Variants in NTM observed in about 807,000 individuals in gnomAD.
NTM encodes neurotrimin.
NTM carries 13 observed loss-of-function variants against 42.1 expected under a neutral mutation model. The ratio of observed to expected loss-of-function variants is 0.31; its 90% confidence interval spans 0.20 to 0.49. The LOEUF is 0.49. Among genes scored for constraint, NTM ranks in the 20% least tolerant of loss-of-function variants. NTM has a pLI of 0.99. For missense variants in NTM, 373 were observed against 452.8 expected, an observed-to-expected ratio of 0.82 and a Z score of 1.60; for synonymous variants, 187 against 179.2, an observed-to-expected ratio of 1.04 and a Z score of -0.35.
At chr11:131,871,133 G>A in intron 1 of NTM, among the ~76,000 whole-genome samples, 1 of 152,216 alleles carries the variant, frequency 6.6e-6, no homozygotes, top group Non-Finnish European at 1.5e-5. Flanking sequence ...GAAAGAGTTT[G>A]TGTGATCATG....
At chr11:132,064,961 G>T (rs1366231100) in intron 2 of NTM, among the ~76,000 whole-genome samples, 1 of 152,106 alleles carries the variant, frequency 6.6e-6, no homozygotes, top group East Asian at 1.9e-4. Flanking sequence ...TGGATTTATT[G>T]TCACACTGAC....
rs1306761717 is a variant in NTM at position 132,335,736 on chromosome 11, T to G, written c.*590T>G. 1.3e-5 allele frequency: 2 copies of G among 152,536 alleles called. No individual in the cohort carries two copies. Among genetic ancestry groups the G allele is most frequent in the African/African-American group, 2.4e-5 (1 of 41,390 alleles). The allele number at this position is 152,536 out of a possible 1,614,324, so 9.4% of individuals were successfully genotyped here. A position where few individuals can be genotyped will look rare whatever the true frequency, so the allele number is the denominator to read the frequency against. ...ACAAAAGATACCGTTAAACTTTTTT[T>G]TTTTTTTATCATTTTACTACATGAA... On this transcript the variant is annotated 3_prime_UTR_variant, in exon 9 of 9. Transcript: ENST00000683400.
intron 2 of NTM, among the ~76,000 whole-genome samples, chr11:132,118,905 T>A (rs1380611328): frequency 3.3e-5 from 5 of 152,148 alleles, no homozygotes; most frequent in African/African-American, 4.8e-5. Context: ...TGAAATATAT[T>A]TTAAGGATGA....
chr11:131,465,879 C>G (rs1455839227), intron 1 of NTM, among the ~76,000 whole-genome samples: 2 of 151,330 alleles, frequency 1.3e-5, no homozygotes, highest in African/African-American at 4.9e-5. Flanking sequence ...TGAGACCCCT[C>G]TCTGTCCTCC....
chr11:131,819,650 C>A (rs1333805554), intron 1 of NTM, among the ~76,000 whole-genome samples: 1 of 152,218 alleles, frequency 6.6e-6, no homozygotes, highest in Non-Finnish European at 1.5e-5. Context: ...CACTAGCCAG[C>A]ATGCCCATGA....
At chr11:132,086,323 C>CA (rs71067358) in intron 2 of NTM, among the ~76,000 whole-genome samples, 43,710 of 98,704 alleles carry the variant, frequency 0.44, 8,993 homozygotes, top group African/African-American at 0.47. Flanking sequence ...GACTCCATGT[C>CA]AAAAAAAAAA....
chr11:132,136,737 C>T (rs527507426), intron 2 of NTM, among the ~76,000 whole-genome samples: 108 of 152,060 alleles, frequency 7.1e-4, no homozygotes, highest in Middle Eastern at 3.4e-3. Context: ...TTTTCCTCTT[C>T]AAGTCATGTT....
At chr11:131,566,511 G>C (rs1283728384) in intron 1 of NTM, among the ~76,000 whole-genome samples, 1 of 151,972 alleles carries the variant, frequency 6.6e-6, no homozygotes, top group African/African-American at 2.4e-5. Flanking sequence ...CCAAACTGCT[G>C]CTCGACTCAT....
chr11:132,219,489 A>C (rs890519163), intron 4 of NTM, among the ~76,000 whole-genome samples: 3 of 152,004 alleles, frequency 2.0e-5, no homozygotes, highest in African/African-American at 7.2e-5. Flanking sequence ...TTCTAAAATT[A>C]AGTCTCTCTT....
intron 4 of NTM, among the ~76,000 whole-genome samples, chr11:132,298,955 T>C (rs1005046915): frequency 2.6e-5 from 4 of 152,194 alleles, no homozygotes; most frequent in Admixed American, 1.3e-4. Context: ...TTTTATTGAA[T>C]CTATATTTAT....
chr11:132,182,092 T>G (rs1292236740), intron 3 of NTM, among the ~76,000 whole-genome samples: 1 of 151,970 alleles, frequency 6.6e-6, no homozygotes, highest in East Asian at 1.9e-4. Context: ...CAACCGTTAT[T>G]TCCCATGTTA....
At chr11:131,725,736 GTGAGATGGGAAC>G (rs2078886889) in intron 1 of NTM, among the ~76,000 whole-genome samples, 1 of 152,198 alleles carries the variant, frequency 6.6e-6, no homozygotes, top group Non-Finnish European at 1.5e-5. Context: ...TTCGTTAGGA[GTGAGATGGGAAC>G]ACACTGGATG....
intron 4 of NTM, among the ~76,000 whole-genome samples, chr11:132,270,553 G>C (rs1315780744): frequency 6.6e-6 from 1 of 151,920 alleles, no homozygotes; most frequent in African/African-American, 2.4e-5. Flanking sequence ...TTAAAAATCA[G>C]TTTATTTGTC....
intron 1 of NTM, among the ~76,000 whole-genome samples, chr11:131,607,889 GTTT>G (rs34341331): frequency 6.7e-6 from 1 of 149,812 alleles, no homozygotes; most frequent in Admixed American, 6.6e-5. Context: ...GGTTTTTTGT[GTTT>G]TTTTTTTGTT....
intron 1 of NTM, among the ~76,000 whole-genome samples, chr11:131,573,781 A>G (rs2057677733): frequency 6.6e-6 from 1 of 152,120 alleles, no homozygotes. Flanking sequence ...TCTCTTGAAG[A>G]GTGAGAAACT....
chr11:131,503,980 C>A (rs1014294946), intron 1 of NTM, among the ~76,000 whole-genome samples: 1 of 152,144 alleles, frequency 6.6e-6, no homozygotes, highest in Non-Finnish European at 1.5e-5. Flanking sequence ...TAAGGCCAGG[C>A]GGGTCAGAGC....
intron 2 of NTM, among the ~76,000 whole-genome samples, chr11:131,942,017 A>G (rs2059844683): frequency 6.6e-6 from 1 of 152,064 alleles, no homozygotes; most frequent in Admixed American, 6.6e-5. Context: ...TTCTGGAGAT[A>G]TTTATTGATT....
At chr11:132,222,808 C>T (rs2138884708) in intron 4 of NTM, among the ~76,000 whole-genome samples, 1 of 152,262 alleles carries the variant, frequency 6.6e-6, no homozygotes, top group Admixed American at 6.5e-5. Context: ...TCCTCCTAAT[C>T]CAGAGTTAAA....
At chr11:131,744,395 A>G (rs1372229803) in intron 1 of NTM, among the ~76,000 whole-genome samples, 2 of 152,160 alleles carry the variant, frequency 1.3e-5, no homozygotes, top group African/African-American at 4.8e-5. Flanking sequence ...ATTGTTTGTA[A>G]TACAGAACAT....
Sources: allele counts gnomAD v4.1 joint callset (sites outside exome capture counted in the v4.1 genomes callset), GRCh38; gene constraint gnomAD v4.1.1; transcripts MANE v1.5; gene names NCBI Gene and HGNC (gene_info 2026-07-23, HGNC 2026-07-21).